Variants in LRP1B observed in about 807,000 individuals in gnomAD.
The protein encoded by LRP1B is low-density lipoprotein receptor-related protein 1B.
In LRP1B, 217 loss-of-function variants were observed where a neutral mutation model predicts 556.6. That is an observed-to-expected ratio of 0.39 (90% CI 0.35 to 0.44). The LOEUF is 0.44. LRP1B is among the 20% of genes least tolerant of loss of function. The pLI is 1.00. For missense variants in LRP1B, 5,053 were observed against 5,620.8 expected, an observed-to-expected ratio of 0.90 and a Z score of 3.23; for synonymous variants, 2,047 against 1,865.8, an observed-to-expected ratio of 1.10 and a Z score of -2.50.
intron 2 of LRP1B, among the ~76,000 whole-genome samples, chr2:141,540,458 T>C (rs1038224429): frequency 6.6e-5 from 10 of 152,076 alleles, no homozygotes; most frequent in Admixed American, 2.0e-4. Flanking sequence ...GTTCAATATT[T>C]AGCCAATTTA....
rs1364089341 is a variant in LRP1B at position 141,751,536 on chromosome 2, G to T, written c.205+58743C>A. 2.6e-5 allele frequency among the ~76,000 whole-genome samples: 4 copies of T among 152,094 alleles called. No homozygotes were observed. In the South Asian group the frequency reaches 8.3e-4, roughly 32 times the overall value. ...GTTATGAGTGACAACTGTGCTGATT[G>T]GAAGTCTGCTTCATAAACTAGTAAG... On this transcript the variant is annotated intron_variant, in intron 2 of 90. Coordinates refer to ENST00000389484, the MANE Select transcript of LRP1B (RefSeq NM_018557.3).
chr2:141,648,669 G>A lies in LRP1B; in HGVS notation c.205+161610C>T, dbSNP rs1439519922. Among the ~76,000 whole-genome samples the A allele has an allele frequency of 2.0e-5, 3 of 152,202 alleles. No individual in the cohort carries two copies. In the East Asian group the frequency reaches 5.8e-4, roughly 29 times the overall value. On this transcript the variant is annotated intron_variant, in intron 2 of 90. Coordinates refer to ENST00000389484, the MANE Select transcript of LRP1B (RefSeq NM_018557.3). ...AGCACATAGAATATGTTCAGTAAAT[G>A]TTTGTCAGGTGAAATCATGAATGAA...
chr2:141,120,092 G>A (rs1040534299), intron 7 of LRP1B, among the ~76,000 whole-genome samples: 8 of 151,898 alleles, frequency 5.3e-5, no homozygotes, highest in African/African-American at 1.9e-4. Context: ...TTCATTGAGT[G>A]ACAGAGGTTC....
At chr2:140,825,914 G>A (rs529324389) in intron 31 of LRP1B, among the ~76,000 whole-genome samples, 35 of 152,304 alleles carry the variant, frequency 2.3e-4, no homozygotes, top group South Asian at 1.0e-3. Flanking sequence ...ATCAAATACT[G>A]TCTTGGGTGT....
chr2:142,088,429 T>C (rs1009034882), intron 1 of LRP1B, among the ~76,000 whole-genome samples: 1 of 152,216 alleles, frequency 6.6e-6, no homozygotes, highest in Non-Finnish European at 1.5e-5. Flanking sequence ...AATTATATGA[T>C]TAATATAAGC....
Position 141,716,373 on chromosome 2 carries a change from G to T in LRP1B, c.205+93906C>A, listed in dbSNP as rs779117026. ...ATTATACTTTATTTCACTTTTGAGA[G>T]TCACGGATGCTAGTGTTTTAATGAA... is the stretch of plus-strand genomic sequence containing the variant. On this transcript the variant is annotated intron_variant, in intron 2 of 90. Transcript: ENST00000389484. Among the ~76,000 whole-genome samples, 43 of 152,166 alleles carry T rather than the reference G, an allele frequency of 2.8e-4. 1 individual carries two copies. The highest frequency in any genetic ancestry group is 7.2e-4 in the Admixed American group (11 of 15,280).
chr2:141,638,891 A>G (rs4377277), intron 2 of LRP1B, among the ~76,000 whole-genome samples: 63,879 of 65,278 alleles, frequency 0.98, 31,343 homozygotes, highest in South Asian at 1. Context: ...ATGTGTGTGT[A>G]TGTGCGTGTG....
chr2:141,803,903 CTAAA>C (rs1696090118), intron 2 of LRP1B, among the ~76,000 whole-genome samples: 1 of 152,106 alleles, frequency 6.6e-6, no homozygotes. Flanking sequence ...ATCCTACTAC[CTAAA>C]TAAAGTTTAA....
intron 27 of LRP1B, among the ~76,000 whole-genome samples, chr2:140,853,244 T>G (rs1692515404): frequency 6.6e-6 from 1 of 152,130 alleles, no homozygotes; most frequent in Non-Finnish European, 1.5e-5. Context: ...TATCCTTGTC[T>G]CTGAAGACAC....
intron 1 of LRP1B, among the ~76,000 whole-genome samples, chr2:142,038,824 TCA>T (rs1703970572): frequency 6.6e-6 from 1 of 151,646 alleles, no homozygotes; most frequent in African/African-American, 2.4e-5. Context: ...AGCATTTTTA[TCA>T]GTTTTGGTGT....
rs796287062 is a variant in LRP1B at position 141,743,501 on chromosome 2, CTTTTT to C, written c.205+66773_205+66777del. ...CTGCTTTTTTCTTTTTTTTTTTTTT[CTTTTT>C]TTTTTTTTTTTGATTAGTTTGAGTA... On this transcript the variant is annotated intron_variant, in intron 2 of 90. Transcript: ENST00000389484. 5.6e-4 allele frequency among the ~76,000 whole-genome samples: 67 copies of C among 119,028 alleles called. No homozygotes were observed. The East Asian group carries it at 6.9e-3, about 12-fold the overall frequency. The allele number at this position is 119,028 out of a possible 152,430, so 78.1% of individuals were successfully genotyped here.
intron 41 of LRP1B, among the ~76,000 whole-genome samples, chr2:140,649,701 A>T (rs537135434): frequency 3.7e-4 from 56 of 152,358 alleles, no homozygotes; most frequent in South Asian, 1.2e-3. Context: ...TCAGAATCAC[A>T]TTGGTTCCTC....
intron 6 of LRP1B, among the ~76,000 whole-genome samples, chr2:141,201,247 A>G (rs113404547): frequency 6.6e-6 from 1 of 152,208 alleles, no homozygotes; most frequent in Admixed American, 6.5e-5. Flanking sequence ...GAAAGCAAAG[A>G]TCAAAATAAT....
chr2:141,863,954 C>T (rs1698329016), intron 1 of LRP1B, among the ~76,000 whole-genome samples: 1 of 151,990 alleles, frequency 6.6e-6, no homozygotes, highest in South Asian at 2.1e-4. Context: ...TCTAAAATGA[C>T]AAGGTAGTTG....
intron 15 of LRP1B, among the ~76,000 whole-genome samples, chr2:140,994,504 G>C (rs1472048101): frequency 6.6e-6 from 1 of 151,612 alleles, no homozygotes; most frequent in South Asian, 2.1e-4. Flanking sequence ...AGCGCAAAGT[G>C]GCAGATAGGT....
At chr2:141,812,535 G>T (rs1249355357) in intron 1 of LRP1B, among the ~76,000 whole-genome samples, 1 of 151,998 alleles carries the variant, frequency 6.6e-6, no homozygotes, top group Admixed American at 6.6e-5. Flanking sequence ...GTGAATAATT[G>T]ATAAGTACTT....
At chr2:141,600,471 G>A (rs1202499267) in intron 2 of LRP1B, among the ~76,000 whole-genome samples, 2 of 152,138 alleles carry the variant, frequency 1.3e-5, no homozygotes, top group East Asian at 3.9e-4. Context: ...GGAAGAGGAG[G>A]GGATGGTGAG....
intron 78 of LRP1B, among the ~76,000 whole-genome samples, chr2:140,335,083 GT>G (rs1489588202): frequency 2.6e-5 from 4 of 151,696 alleles, no homozygotes; most frequent in African/African-American, 9.7e-5. Flanking sequence ...AAGATTTTTA[GT>G]TAACATTTTT....
chr2:140,513,622 C>T (rs927739110), intron 51 of LRP1B, among the ~76,000 whole-genome samples: 1 of 75,220 alleles, frequency 1.3e-5, no homozygotes, highest in Non-Finnish European at 3.0e-5. Context: ...AAGTAAATTG[C>T]CTACTTTCAA....
Sources: allele counts gnomAD v4.1 joint callset (sites outside exome capture counted in the v4.1 genomes callset), GRCh38; gene constraint gnomAD v4.1.1; transcripts MANE v1.5; gene names NCBI Gene and HGNC (gene_info 2026-07-23, HGNC 2026-07-21).